CDH22: variants seen among roughly 807,000 people sequenced by gnomAD.
The protein encoded by CDH22 is cadherin 22.
CDH22 carries 30 observed loss-of-function variants against 58.4 expected under a neutral mutation model. The ratio of observed to expected loss-of-function variants is 0.51; its 90% CI spans 0.38 to 0.70. The LOEUF (loss-of-function observed/expected upper bound fraction) is 0.70. Among genes scored for constraint, CDH22 ranks in the 30% least tolerant of loss-of-function variants. The pLI is 0.00. For missense variants in CDH22, 1,014 were observed against 1,233.9 expected (o/e 0.82, Z 2.67); for synonymous variants, 513 against 558.2 (o/e 0.92, Z 1.14).
chr20:46,174,433 GA>G lies in CDH22; in HGVS notation c.*72del. On this transcript the variant is annotated 3_prime_UTR_variant, in exon 12 of 12. Transcript: ENST00000537909. The surrounding 1 kb of genome is among the most constrained non-coding windows in gnomAD (Gnocchi z 4.4). ...AGGGCAGGAAAGGGGGTCCGCGGGG[GA>G]AACGCGTTGTCCTGGGGCCCCGGCG... is the stretch of plus-strand genomic sequence containing the variant. 9.2e-7 allele frequency: 1 copy of G among 1,081,732 alleles called. No homozygotes were observed. The highest frequency in any genetic ancestry group is 1.7e-5 in the African/African-American group (1 of 59,488). 67.0% of individuals were successfully genotyped at this position (1,081,732 alleles called of 1,614,324 possible).
At chr20:46,212,918 A>G (rs2086054145) in intron 6 of CDH22, 77 bp downstream of exon 6, 1 of 1,222,658 alleles carries the variant, frequency 8.2e-7, no homozygotes, top group South Asian at 1.3e-5. Context: ...AGGTGGGGGT[A>G]TTCGGCTGCC....
rs367551466 is a variant in CDH22 at position 46,250,992 on chromosome 20, T to A, written c.255+48A>T. 21 of 1,141,446 alleles carry A rather than the reference T, an allele frequency of 1.8e-5. No homozygotes were observed. The African/African-American group carries it at 2.2e-4, about 12-fold the overall frequency. 70.7% of individuals were successfully genotyped at this position (1,141,446 alleles called of 1,614,324 possible). ...AGGGTTTCTTGTATCTACCCGTGGG[T>A]GTCCCCAGGGTCCTGGGATCTGGAG... On this transcript the variant is annotated intron_variant, in intron 2 of 11. Coordinates refer to ENST00000537909, the MANE Select transcript of CDH22 (RefSeq NM_021248.3).
intron 5 of CDH22, among the ~76,000 whole-genome samples, chr20:46,213,521 G>C (rs1600699769): frequency 6.6e-6 from 1 of 152,314 alleles, no homozygotes; most frequent in East Asian, 1.9e-4. Flanking sequence ...TCCGGAGTCA[G>C]TCCTAGCTGT....
intron 7 of CDH22, among the ~76,000 whole-genome samples, chr20:46,203,147 G>A (rs1283294517): frequency 6.6e-6 from 1 of 152,198 alleles, no homozygotes; most frequent in African/African-American, 2.4e-5. Flanking sequence ...ATAGGGCGGG[G>A]GCAGCGGGGA....
At chr20:46,181,716 T>TTTCCTTCCTTCCTTCCTTCCTTCCTTCC (rs768698552) in intron 10 of CDH22, among the ~76,000 whole-genome samples, 23 of 44,326 alleles carry the variant, frequency 5.2e-4, no homozygotes, top group South Asian at 9.0e-4. Context: ...TCTTTCTTTT[T>TTTCCTTCCTTCCTTCCTTCCTTCCTTCC]TTCCTTCCTT....
chr20:46,203,829 G>C (rs890320941), intron 7 of CDH22, among the ~76,000 whole-genome samples: 1 of 152,174 alleles, frequency 6.6e-6, no homozygotes, highest in Non-Finnish European at 1.5e-5. Context: ...GGTCTAGAAG[G>C]TTCTGCTTAA....
intron 1 of CDH22, among the ~76,000 whole-genome samples, chr20:46,307,248 G>A (rs561399846): frequency 6.6e-6 from 1 of 152,356 alleles, no homozygotes; most frequent in African/African-American, 2.4e-5. Context: ...CCTGCACCTC[G>A]GGGAGACCTC....
chr20:46,231,810 C>G (rs1247824273), intron 3 of CDH22, among the ~76,000 whole-genome samples: 1 of 152,184 alleles, frequency 6.6e-6, no homozygotes, highest in African/African-American at 2.4e-5. Context: ...GGTTTCAGGT[C>G]CTACCACTTC....
intron 8 of CDH22, among the ~76,000 whole-genome samples, chr20:46,194,854 C>A (rs2085887878): frequency 6.6e-6 from 1 of 152,132 alleles, no homozygotes; most frequent in Non-Finnish European, 1.5e-5. Flanking sequence ...CTCAGCCTCC[C>A]AAGTAGTTGG....
At chr20:46,263,013 C>T (rs1327289431) in intron 1 of CDH22, among the ~76,000 whole-genome samples, 2 of 152,224 alleles carry the variant, frequency 1.3e-5, no homozygotes, top group African/African-American at 2.4e-5. Context: ...CAGCCTCCTC[C>T]CCTGACCCTG....
At chr20:46,267,706 CT>C (rs2086467743) in intron 1 of CDH22, among the ~76,000 whole-genome samples, 2 of 152,276 alleles carry the variant, frequency 1.3e-5, no homozygotes, top group Admixed American at 1.3e-4. Flanking sequence ...GCATGATTTT[CT>C]TCCCTTCCTG....
intron 7 of CDH22, among the ~76,000 whole-genome samples, chr20:46,202,681 G>GC (rs2085970486): frequency 6.6e-6 from 1 of 152,120 alleles, no homozygotes; most frequent in African/African-American, 2.4e-5. Flanking sequence ...CTGACCGACA[G>GC]CCCATCCAAA....
intron 1 of CDH22, among the ~76,000 whole-genome samples, chr20:46,269,251 A>G (rs2425825): frequency 0.3 from 46,173 of 151,868 alleles, 8,404 homozygotes; most frequent in Middle Eastern, 0.5. Flanking sequence ...TCCTGCTCCA[A>G]TTACCAGCCC....
At chr20:46,228,098 A>G (rs1244647604) in intron 3 of CDH22, among the ~76,000 whole-genome samples, 1 of 152,202 alleles carries the variant, frequency 6.6e-6, no homozygotes, top group East Asian at 1.9e-4. Context: ...CTCTCAACCC[A>G]GGGGCCATTC....
At chr20:46,282,843 G>A (rs191090623) in intron 1 of CDH22, among the ~76,000 whole-genome samples, 10 of 152,186 alleles carry the variant, frequency 6.6e-5, no homozygotes, top group East Asian at 5.8e-4. Flanking sequence ...AATTCTGGGC[G>A]TCACCATTTG....
intron 1 of CDH22, among the ~76,000 whole-genome samples, chr20:46,260,588 C>T (rs566171089): frequency 7.2e-5 from 11 of 152,354 alleles, no homozygotes; most frequent in Non-Finnish European, 1.3e-4. Context: ...GAGAGGCTTG[C>T]TCCAGACAGA....
intron 1 of CDH22, among the ~76,000 whole-genome samples, chr20:46,271,708 A>T (rs1378668788): frequency 2.6e-5 from 4 of 152,156 alleles, no homozygotes; most frequent in Non-Finnish European, 5.9e-5. Flanking sequence ...AAACTAAAGA[A>T]CTGTGTTCCC....
At chr20:46,305,842 C>T (rs985388136) in intron 1 of CDH22, among the ~76,000 whole-genome samples, 1 of 152,242 alleles carries the variant, frequency 6.6e-6, no homozygotes, top group Admixed American at 6.5e-5. Flanking sequence ...TATGGCCCGG[C>T]CCCCTGTCAG....
intron 1 of CDH22, among the ~76,000 whole-genome samples, chr20:46,279,872 C>T (rs1175339712): frequency 6.6e-6 from 1 of 152,214 alleles, no homozygotes; most frequent in Non-Finnish European, 1.5e-5. Flanking sequence ...ATTATACGTG[C>T]AGAGAGAATG....
Sources: allele counts gnomAD v4.1 joint callset (sites outside exome capture counted in the v4.1 genomes callset), GRCh38; gene constraint gnomAD v4.1.1; non-coding constraint Gnocchi (gnomAD v3.1); transcripts MANE v1.5; gene names NCBI Gene and HGNC (gene_info 2026-07-23, HGNC 2026-07-21).